TACO1: variants seen among roughly 807,000 people sequenced by gnomAD.
The protein encoded by TACO1 is translational activator of cytochrome c oxidase 1.
Under a neutral mutation model 24.0 loss-of-function variants are expected in TACO1, and 13 were observed. The observed-to-expected ratio is 0.54, with a 90% confidence interval of 0.35 to 0.86. The LOEUF (loss-of-function observed/expected upper bound fraction) is 0.86, where lower values mean the gene tolerates loss of function less well. TACO1 is among the 40% of genes least tolerant of loss of function. The pLI is 0.01. For missense variants in TACO1, 352 were observed against 380.1 expected (o/e 0.93, Z 0.61); for synonymous variants, 149 against 153.5 (o/e 0.97, Z 0.22).
At chr17:63,601,617 G>A (rs2147786379) in intron 1 of TACO1, among the ~76,000 whole-genome samples, 1 of 152,308 alleles carries the variant, frequency 6.6e-6, no homozygotes, top group Admixed American at 6.5e-5. Flanking sequence ...AGATAAGCCG[G>A]TAAGGTAGAA....
At chr17:63,603,219 G>A (rs887408241) in intron 1 of TACO1, among the ~76,000 whole-genome samples, 1 of 151,826 alleles carries the variant, frequency 6.6e-6, no homozygotes, top group Non-Finnish European at 1.5e-5. Context: ...CTGGGCAACA[G>A]AGGAAAACTC....
intron 4 of TACO1, 133 bp from the exon 5 acceptor site, chr17:63,607,669 G>C (rs147132952): frequency 7.0e-6 from 7 of 1,000,932 alleles, no homozygotes; most frequent in Non-Finnish European, 1.1e-5. Context: ...CATTGAAAAC[G>C]ATGTCCCTGC....
In TACO1 at chr17:63,608,021, C is replaced by A; in HGVS notation, c.*19C>A. 1 of 1,613,122 alleles carries A rather than the reference C, an allele frequency of 6.2e-7. No homozygotes were observed. Among genetic ancestry groups the A allele is most frequent in the South Asian group, 1.1e-5 (1 of 91,008 alleles). ...TGAATAACCAGGCTACATGTGCCCC[C>A]GGGTTCCTTCCTAGAAATGTGGCAG... On this transcript the variant is annotated 3_prime_UTR_variant, in exon 5 of 5. Transcript: ENST00000258975.
In TACO1 at chr17:63,600,972, A is replaced by G; in HGVS notation, c.-112A>G. ...GGGCGGGCCCAAGCCTTTGGATCTC[A>G]GGTGACCGGCACAGGCGGCCGCGGG... On this transcript the variant is annotated 5_prime_UTR_variant, in exon 1 of 5. Transcript: ENST00000258975. 1 of 1,295,386 alleles carries G rather than the reference A, an allele frequency of 7.7e-7. No homozygotes were observed. Among genetic ancestry groups the G allele is most frequent in the South Asian group, 1.3e-5 (1 of 76,714 alleles). 80.2% of individuals were successfully genotyped at this position (1,295,386 alleles called of 1,614,324 possible).
chr17:63,606,541 G>GTTTTCTGT, intron 3 of TACO1, 101 bp downstream of exon 3: 1 of 1,526,230 alleles, frequency 6.6e-7, no homozygotes, highest in Non-Finnish European at 9.1e-7. Context: ...TCAGGGTTTT[G>GTTTTCTGT]TTTTTTGTTT....
intron 3 of TACO1, chr17:63,606,708 G>C: frequency 2.2e-6 from 1 of 459,214 alleles, no homozygotes; most frequent in South Asian, 2.1e-5. Context: ...GCCATGCCCA[G>C]CTAATTTTTG....
At chr17:63,603,709 C>G (rs1207125731) in intron 1 of TACO1, among the ~76,000 whole-genome samples, 1 of 142,886 alleles carries the variant, frequency 7.0e-6, no homozygotes, top group Non-Finnish European at 1.5e-5. Flanking sequence ...GAGTGAGACT[C>G]TGTCTCAAAA....
Position 63,607,464 on chromosome 17 carries a change from A to G in TACO1, c.693A>G (p.Lys231=). Residue 231 remains lysine (K), a splice_region_variant and synonymous_variant, in exon 4 of 5, where the codon AAA becomes AAG. Coordinates refer to ENST00000258975, the MANE Select transcript of TACO1 (RefSeq NM_016360.4). ...ATGAAGAAGAAAGGAACGTTTTTAA[A>G]GTAAGCATGAAAACATGGGTGTTTG... ...TEDEEERNVF[K]FICDASSLHQ... 1 of 1,614,208 alleles carries G rather than the reference A, an allele frequency of 6.2e-7. No individual in the cohort carries two copies. The highest frequency in any genetic ancestry group is 2.2e-5 in the East Asian group (1 of 44,888).
At chr17:63,603,255 AAAAT>A (rs2033835600) in intron 1 of TACO1, among the ~76,000 whole-genome samples, 1 of 152,032 alleles carries the variant, frequency 6.6e-6, no homozygotes. Flanking sequence ...TAATAAAAAT[AAAAT>A]AAAATAAAAA....
chr17:63,602,099 A>AC (rs2033826421), intron 1 of TACO1, among the ~76,000 whole-genome samples: 1 of 150,360 alleles, frequency 6.7e-6, no homozygotes, highest in Non-Finnish European at 1.5e-5. Flanking sequence ...ACAAAAAAAA[A>AC]AAAAAAAAAA....
At chr17:63,606,171 G>A (rs571912239) in intron 2 of TACO1, 142 bp from the exon 3 acceptor site, 2 of 1,096,464 alleles carry the variant, frequency 1.8e-6, no homozygotes, top group African/African-American at 1.5e-5. Context: ...TAGAGGGTGG[G>A]GACAAAAATA....
At chr17:63,601,455 C>A in intron 1 of TACO1, 92 bp downstream of exon 1, 1 of 1,398,582 alleles carries the variant, frequency 7.2e-7, no homozygotes, top group Non-Finnish European at 9.9e-7. Flanking sequence ...CCACCTAGAT[C>A]TCCGGCCCTT....
rs541123397 is a variant in TACO1 at position 63,608,253 on chromosome 17, A to G, written c.*251A>G. 7.1e-4 allele frequency: 388 copies of G among 547,450 alleles called. No homozygotes were observed. Among genetic ancestry groups the G allele is most frequent in the Non-Finnish European group, 1.1e-3 (319 of 302,774 alleles). 33.9% of individuals were successfully genotyped at this position (547,450 alleles called of 1,614,324 possible). A position where few individuals can be genotyped will look rare whatever the true frequency, so the allele number is the denominator to read the frequency against. Reference sequence around the variant, plus strand: ...TCTCGGATGCAGGGCAGGACCACCCAGCTGGTCAGACTCTGATGTTGGGTA... The same window carrying G: ...TCTCGGATGCAGGGCAGGACCACCCGGCTGGTCAGACTCTGATGTTGGGTA... On this transcript the variant is annotated 3_prime_UTR_variant, in exon 5 of 5. Coordinates refer to ENST00000258975, the MANE Select transcript of TACO1 (RefSeq NM_016360.4).
rs564516056 is a variant in TACO1, at chr17:63,602,750, G to A, written c.280+1387G>A. Among the ~76,000 whole-genome samples the A allele has an allele frequency of 1.6e-4, 25 of 151,896 alleles. No individual in the cohort carries two copies. In the East Asian group the frequency reaches 4.9e-3, roughly 30 times the overall value. ...TCACCATGTTGGCCAGGCTGGTCTC[G>A]AACTCCTGACCTCAAATGATCTACC... On this transcript the variant is annotated intron_variant, in intron 1 of 4. Transcript: ENST00000258975.
At chr17:63,606,484 T>G in intron 3 of TACO1, 44 bp downstream of exon 3, 1 of 1,612,458 alleles carries the variant, frequency 6.2e-7, no homozygotes, top group Non-Finnish European at 8.5e-7. Context: ...AGAGCCTTTA[T>G]GTTCCAATTC....
At chr17:63,605,380 T>C (rs1598045277) in intron 2 of TACO1, among the ~76,000 whole-genome samples, 1 of 152,186 alleles carries the variant, frequency 6.6e-6, no homozygotes, top group East Asian at 1.9e-4. Flanking sequence ...TACACCTTTC[T>C]CTGGGGCAGG....
At position 63,608,358 on chromosome 17, in the gene TACO1, T is replaced by C; in HGVS notation, c.*356T>C. 3 of 359,114 alleles carry C rather than the reference T, an allele frequency of 8.4e-6. No homozygotes were observed. The highest frequency in any genetic ancestry group is 6.9e-5 in the South Asian group (3 of 43,300). 22.2% of individuals were successfully genotyped at this position (359,114 alleles called of 1,614,324 possible). The stretch of plus-strand genomic sequence containing the variant: ...TCTTAATAATAACGGTGATTATTGG[T>C]TGCTGCATTGCTGTTGTATGGCTCT... On this transcript the variant is annotated 3_prime_UTR_variant, in exon 5 of 5. Transcript: ENST00000258975.
chr17:63,607,703 A>G, intron 4 of TACO1, 99 bp from the exon 5 acceptor site: 1 of 1,195,636 alleles, frequency 8.4e-7, no homozygotes, highest in South Asian at 1.2e-5. Context: ...AAACCCAGTG[A>G]TCCATTCCAG....
At chr17:63,605,437 A>G (rs1482929607) in intron 2 of TACO1, among the ~76,000 whole-genome samples, 1 of 152,182 alleles carries the variant, frequency 6.6e-6, no homozygotes, top group East Asian at 1.9e-4. Flanking sequence ...GCTCAAAATT[A>G]TTGAGTGCTT....
Sources: allele counts gnomAD v4.1 joint callset (sites outside exome capture counted in the v4.1 genomes callset), GRCh38; gene constraint gnomAD v4.1.1; transcripts MANE v1.5; gene names NCBI Gene and HGNC (gene_info 2026-07-23, HGNC 2026-07-21).